The following POGZ variants were observed in gnomAD, a reference collection of about 807,000 sequenced individuals.
POGZ encodes the protein pogo transposable element derived with ZNF domain.
Under a neutral mutation model 134.6 loss-of-function variants are expected in POGZ, and 17 were observed. The ratio of observed to expected loss-of-function variants is 0.13; its 90% CI spans 0.09 to 0.19. POGZ has a LOEUF of 0.19. Among genes scored for constraint, POGZ ranks in the 10% least tolerant of loss-of-function variants. The pLI is 1.00. For missense variants in POGZ, 1,306 were observed against 1,769.7 expected, an observed-to-expected ratio of 0.74 and a Z score of 4.70; for synonymous variants, 693 against 657.1, an observed-to-expected ratio of 1.05 and a Z score of -0.84.
chr1:151,406,159 G>A lies in POGZ; in HGVS notation c.2876C>T (p.Ser959Leu), dbSNP rs1439219226. Reference protein sequence around the residue: ...SPVTQEPELASGGGGSGGVGK... With the variant: ...SPVTQEPELALGGGGSGGVGK... ...AACTCCACCACTACCACCACCACCT[G>A]ATGCTAGCTCAGGTTCTTGGGTGAC... is the stretch of plus-strand genomic sequence containing the variant. The change falls in exon 19 of 19, where the codon TCA (serine) becomes TTA (leucine). Residue 959 changes from serine (S) to leucine (L), a missense_variant. Coordinates refer to ENST00000271715, the MANE Select transcript of POGZ (RefSeq NM_015100.4). 6.2e-7 allele frequency: 1 copy of A among 1,614,168 alleles called. No homozygotes were observed. The highest frequency in any genetic ancestry group is 8.5e-7 in the Non-Finnish European group (1 of 1,180,028).
intron 1 of POGZ, among the ~76,000 whole-genome samples, chr1:151,442,692 C>G (rs1196294579): frequency 4.5e-5 from 4 of 89,524 alleles, no homozygotes; most frequent in Non-Finnish European, 8.9e-5. Context: ...GCCTGGGGGA[C>G]AGAGTGAGAC....
At chr1:151,458,840 G>A (rs898564394) in intron 1 of POGZ, among the ~76,000 whole-genome samples, 8 of 145,572 alleles carry the variant, frequency 5.5e-5, no homozygotes, top group African/African-American at 2.0e-4. Context: ...CGGGCGCCGG[G>A]GGGCGGGGGC....
At chr1:151,416,622 T>TG (rs1655755450) in intron 10 of POGZ, among the ~76,000 whole-genome samples, 2 of 121,582 alleles carry the variant, frequency 1.6e-5, no homozygotes, top group Non-Finnish European at 1.8e-5. Context: ...TACTACTTTT[T>TG]GGGTTTTTTT....
chr1:151,430,823 T>C lies in POGZ; in HGVS notation c.302A>G (p.Gln101Arg), dbSNP rs1286596535. ...CAGGATGAGTGGCTGTCCACCTTGC[T>C]GGACCAAAGGATTGCCAGCTAAAGG... ...ANNNAGNPLV[Q>R]QGGQPLILTQ... Residue 101 changes from glutamine (Q) to arginine (R), a missense_variant, in exon 4 of 19, where the codon CAG (glutamine) becomes CGG (arginine). Gln to Arg is a conservative substitution (Grantham distance 43). Around this residue, in one of 10 missense-constraint regions of POGZ, gnomAD observed 541 missense variants for 680.5 expected, o/e 0.80. Transcript: ENST00000271715. 3 of 1,571,898 alleles carry C rather than the reference T, an allele frequency of 1.9e-6. No individual in the cohort carries two copies. The highest frequency in any genetic ancestry group is 2.6e-6 in the Non-Finnish European group (3 of 1,164,658).
chr1:151,439,707 CTCTCT>C (rs1302460471), intron 3 of POGZ, among the ~76,000 whole-genome samples: 1 of 152,192 alleles, frequency 6.6e-6, no homozygotes, highest in African/African-American at 2.4e-5. Flanking sequence ...AAAAACCATA[CTCTCT>C]TCTATCAGCA....
intron 12 of POGZ, among the ~76,000 whole-genome samples, chr1:151,411,106 G>C (rs1217474483): frequency 6.6e-6 from 1 of 152,154 alleles, no homozygotes; most frequent in Non-Finnish European, 1.5e-5. Context: ...TCACTCCAGG[G>C]CTTAAAACCC....
At chr1:151,437,742 ACT>A (rs1216571372) in intron 3 of POGZ, among the ~76,000 whole-genome samples, 1 of 152,130 alleles carries the variant, frequency 6.6e-6, no homozygotes, top group Non-Finnish European at 1.5e-5. Context: ...ATGGAGTAAG[ACT>A]CTGTCTCAAA....
chr1:151,433,896 C>A (rs1052370154), intron 3 of POGZ, among the ~76,000 whole-genome samples: 2 of 152,092 alleles, frequency 1.3e-5, no homozygotes. Flanking sequence ...AAGGATTATC[C>A]AAACTAGGGC....
chr1:151,425,806 T>C (rs1002583055), intron 7 of POGZ, among the ~76,000 whole-genome samples: 2 of 152,240 alleles, frequency 1.3e-5, no homozygotes, highest in Non-Finnish European at 2.9e-5. Flanking sequence ...GTGAATAATG[T>C]TGCAATGAAC....
intron 10 of POGZ, among the ~76,000 whole-genome samples, chr1:151,418,612 AGT>A (rs1253085941): frequency 6.6e-6 from 1 of 152,234 alleles, no homozygotes; most frequent in Non-Finnish European, 1.5e-5. Flanking sequence ...AAACACATAG[AGT>A]GATGAATATT....
At position 151,441,505 on chromosome 1, in the gene POGZ, A is replaced by C. The variant is rs147452054; in HGVS notation, c.125-419T>G. 1.0e-3 allele frequency among the ~76,000 whole-genome samples: 153 copies of C among 152,350 alleles called. 5 individuals carry two copies. The East Asian group carries it at 0.028, about 28-fold the overall frequency. ...AGGTCTCAAGACAGGAAAGATAAAAATATAGAGCAACTGGTACAATTTAGG... is the reference window on the plus strand; with the variant it reads ...AGGTCTCAAGACAGGAAAGATAAAACTATAGAGCAACTGGTACAATTTAGG... On this transcript the variant is annotated intron_variant, in intron 2 of 18. Transcript: ENST00000271715.
intron 1 of POGZ, among the ~76,000 whole-genome samples, chr1:151,458,477 A>G (rs550986909): frequency 3.3e-5 from 5 of 152,186 alleles, no homozygotes; most frequent in East Asian, 1.9e-4. Context: ...CAGAGATTAC[A>G]TAACACAAGG....
In POGZ at chr1:151,430,859, A is replaced by G. The variant is rs757093684; in HGVS notation, c.284-18T>C. Reference sequence around the variant, plus strand: ...ATTGCCAGCTAAAGGGTAAAGGAAGAAAAAAAAAAAGGAATGTTAGAAACA... The same window carrying G: ...ATTGCCAGCTAAAGGGTAAAGGAAGGAAAAAAAAAAGGAATGTTAGAAACA... On this transcript the variant is annotated intron_variant, in intron 3 of 18. Coordinates refer to ENST00000271715, the MANE Select transcript of POGZ (RefSeq NM_015100.4). 2 of 1,022,518 alleles carry G rather than the reference A, an allele frequency of 2.0e-6. No individual in the cohort carries two copies. The highest frequency in any genetic ancestry group is 4.0e-5 in the East Asian group (1 of 24,852). The allele number at this position is 1,022,518 out of a possible 1,614,324, so 63.3% of individuals were successfully genotyped here.
chr1:151,403,585 G>GA lies in POGZ; in HGVS notation c.*1216dup. 1 of 985,660 alleles carries GA rather than the reference G, an allele frequency of 1.0e-6. No individual in the cohort carries two copies. Among genetic ancestry groups the GA allele is most frequent in the Non-Finnish European group, 1.2e-6 (1 of 829,848 alleles). 61.1% of individuals were successfully genotyped at this position (985,660 alleles called of 1,614,324 possible). ...AAAAAAATCCCTCATGCAAATTGTA[G>GA]AAAAAATTTTCTTTCCTTGAAGCTG... On this transcript the variant is annotated 3_prime_UTR_variant, in exon 19 of 19. Transcript: ENST00000271715.
intron 3 of POGZ, among the ~76,000 whole-genome samples, chr1:151,437,733 T>C (rs1029174293): frequency 2.6e-5 from 4 of 151,724 alleles, no homozygotes; most frequent in South Asian, 2.1e-4. Context: ...GCCTGGGTGA[T>C]GGAGTAAGAC....
intron 10 of POGZ, among the ~76,000 whole-genome samples, chr1:151,421,811 G>A (rs981598968): frequency 6.6e-6 from 1 of 152,152 alleles, no homozygotes; most frequent in Non-Finnish European, 1.5e-5. Context: ...GGAGTGCAGT[G>A]GTGCGATCTC....
At chr1:151,447,309 T>C (rs748105468) in intron 1 of POGZ, among the ~76,000 whole-genome samples, 6 of 150,534 alleles carry the variant, frequency 4.0e-5, no homozygotes, top group African/African-American at 1.2e-4. Flanking sequence ...GAGGCGGAGG[T>C]TGCAGTGAAC....
intron 3 of POGZ, among the ~76,000 whole-genome samples, chr1:151,437,508 T>C (rs1332820506): frequency 2.0e-5 from 3 of 152,202 alleles, no homozygotes; most frequent in Admixed American, 6.5e-5. Context: ...TCCCAGAACG[T>C]TGAGAAGCCG....
chr1:151,419,368 A>T (rs891179041), intron 10 of POGZ, among the ~76,000 whole-genome samples: 1 of 151,098 alleles, frequency 6.6e-6, no homozygotes, highest in Non-Finnish European at 1.5e-5. Context: ...CCAAAAAAAA[A>T]GCTGAGCACG....
Sources: gnomAD v4.1 joint callset for allele counts (sites outside exome capture counted in the v4.1 genomes callset) on GRCh38, gnomAD v4.1.1 for gene constraint, gnomAD v4.1.1 regional missense constraint, MANE v1.5 for transcripts, NCBI Gene and HGNC (gene_info 2026-07-23, HGNC 2026-07-21) for gene names.